Variants in PFKFB4 observed in about 807,000 individuals in gnomAD.
PFKFB4 encodes 6-phosphofructo-2-kinase/fructose-2,6-bisphosphatase 4.
In PFKFB4, 42 loss-of-function variants were observed where a neutral mutation model predicts 62.8. The ratio of observed to expected loss-of-function variants is 0.67; its 90% confidence interval spans 0.52 to 0.86. PFKFB4 has a LOEUF of 0.86. PFKFB4 is among the 40% of genes least tolerant of loss of function. The pLI is 0.00. For missense variants in PFKFB4, 475 were observed against 627.2 expected, an observed-to-expected ratio of 0.76 and a Z score of 2.59; for synonymous variants, 204 against 240.7, an observed-to-expected ratio of 0.85 and a Z score of 1.41.
intron 4 of PFKFB4, 71 bp from the exon 5 acceptor site, chr3:48,539,842 G>T: frequency 8.5e-7 from 1 of 1,174,754 alleles, no homozygotes; most frequent in Non-Finnish European, 1.3e-6. Flanking sequence ...GCCCTGAAGT[G>T]GGCAGTGAGG....
At chr3:48,539,506 G>C in intron 5 of PFKFB4, 191 bp downstream of exon 5, 1 of 693,092 alleles carries the variant, frequency 1.4e-6, no homozygotes, top group African/African-American at 1.8e-5. Flanking sequence ...CCCTCTCCTA[G>C]ACTCTCCCAC....
chr3:48,519,954 A>G, intron 13 of PFKFB4, 148 bp from the exon 14 acceptor site: 2 of 631,922 alleles, frequency 3.2e-6, no homozygotes, highest in African/African-American at 3.6e-5. Flanking sequence ...AAGCTTCCCT[A>G]AGAATACATG....
Position 48,556,328 on chromosome 3 carries a change from A to C in PFKFB4, c.97+353T>G. The C allele has an allele frequency of 1.4e-5, 7 of 510,714 alleles. No homozygotes were observed. The highest frequency in any genetic ancestry group is 4.8e-5 in the East Asian group (1 of 20,912). 31.6% of individuals were successfully genotyped at this position (510,714 alleles called of 1,614,324 possible). On this transcript the variant is annotated intron_variant, in intron 1 of 13. Coordinates refer to ENST00000232375, the MANE Select transcript of PFKFB4 (RefSeq NM_004567.4). The surrounding 1 kb of genome is among the most constrained non-coding windows in gnomAD (Gnocchi z 5.7). Reference sequence around the variant, plus strand: ...ACACTCCTTGGCCAGGAGAGAGGGAAGGGCCTGGGGTGCCCACAGGGTCCT... The same window carrying C: ...ACACTCCTTGGCCAGGAGAGAGGGACGGGCCTGGGGTGCCCACAGGGTCCT...
At chr3:48,543,762 T>C in intron 3 of PFKFB4, 116 bp from the exon 4 acceptor site, 1 of 762,202 alleles carries the variant, frequency 1.3e-6, no homozygotes, top group African/African-American at 1.7e-5. Context: ...CGAGGTCTCT[T>C]GCTCTCTTTT....
chr3:48,525,726 GA>G, intron 9 of PFKFB4, 57 bp from the exon 10 acceptor site: 1 of 918,036 alleles, frequency 1.1e-6, no homozygotes, highest in Non-Finnish European at 1.7e-6. Flanking sequence ...GAGCCTTGGG[GA>G]CATGTGGGGT....
intron 12 of PFKFB4, 105 bp downstream of exon 12, chr3:48,523,432 A>G: frequency 1.8e-6 from 2 of 1,097,112 alleles, no homozygotes; most frequent in Non-Finnish European, 2.8e-6. Context: ...AGGTGGAGGA[A>G]TGGGCTCCTA....
chr3:48,556,629 A>C lies in PFKFB4; in HGVS notation c.97+52T>G. ...GCGAGACCCCCGCCCAGGCCGCCCT[A>C]CCCACCCATCCCGGTGCACCTCCCA... is the stretch of plus-strand genomic sequence containing the variant. On this transcript the variant is annotated intron_variant, in intron 1 of 13. Transcript: ENST00000232375. This position sits in a 1 kb window ranked among gnomAD's most constrained non-coding sequence, Gnocchi z 5.7. The C allele has an allele frequency of 6.7e-7, 1 of 1,496,344 alleles. No individual in the cohort carries two copies. The highest frequency in any genetic ancestry group is 9.0e-7 in the Non-Finnish European group (1 of 1,109,504). 92.7% of individuals were successfully genotyped at this position (1,496,344 alleles called of 1,614,324 possible). A position where few individuals can be genotyped will look rare whatever the true frequency, so the allele number is the denominator to read the frequency against.
Position 48,529,822 on chromosome 3 carries a change from T to G in PFKFB4, c.988-4153A>C, listed in dbSNP as rs937002631. 7.3e-5 allele frequency among the ~76,000 whole-genome samples: 11 copies of G among 151,698 alleles called. No homozygotes were observed. The East Asian group carries it at 2.1e-3, about 29-fold the overall frequency. ...TACAAAAATTAGCCAGGCGTAGTGTTGCACACCTGTGGTCCCAGCTACTCA... is the reference window on the plus strand; with the variant it reads ...TACAAAAATTAGCCAGGCGTAGTGTGGCACACCTGTGGTCCCAGCTACTCA... On this transcript the variant is annotated intron_variant, in intron 9 of 13. Transcript: ENST00000232375.
At chr3:48,535,706 C>G in intron 8 of PFKFB4, 48 bp from the exon 9 acceptor site, 1 of 1,609,196 alleles carries the variant, frequency 6.2e-7, no homozygotes, top group African/African-American at 1.3e-5. Context: ...TTGGGCTGCC[C>G]TTAAAGCATC....
At chr3:48,536,515 C>A in intron 7 of PFKFB4, 52 bp from the exon 8 acceptor site, 1 of 1,417,492 alleles carries the variant, frequency 7.1e-7, no homozygotes, top group Non-Finnish European at 9.9e-7. Context: ...AGGGTTCTCA[C>A]AGAGCACATC....
At chr3:48,561,262 G>A (rs2043429875), upstream of PFKFB4, 2 of 313,762 alleles carry the variant, frequency 6.4e-6, no homozygotes, top group African/African-American at 4.6e-5. This position sits in a 1 kb window ranked among gnomAD's most constrained non-coding sequence, Gnocchi z 5.2. Flanking sequence ...CCACAGGGCT[G>A]CTTACAACTG....
intron 9 of PFKFB4, among the ~76,000 whole-genome samples, chr3:48,527,854 A>AT (rs2042313339): frequency 6.6e-6 from 1 of 151,734 alleles, no homozygotes; most frequent in Non-Finnish European, 1.5e-5. Context: ...TGGCTGGCTA[A>AT]TTTTTTGTAT....
chr3:48,555,170 G>A (rs894840477), intron 1 of PFKFB4, among the ~76,000 whole-genome samples: 2 of 149,980 alleles, frequency 1.3e-5, no homozygotes, highest in Non-Finnish European at 3.0e-5. Context: ...CAGCCTCCCC[G>A]CCTCCAGAAG....
chr3:48,531,616 C>T (rs1030475409), intron 9 of PFKFB4, among the ~76,000 whole-genome samples: 3 of 149,646 alleles, frequency 2.0e-5, no homozygotes, highest in Non-Finnish European at 4.4e-5. Flanking sequence ...CCACCGCACC[C>T]GGCCAAAAAA....
intron 3 of PFKFB4, among the ~76,000 whole-genome samples, chr3:48,546,432 G>A (rs1252285792): frequency 6.6e-6 from 1 of 152,148 alleles, no homozygotes; most frequent in East Asian, 1.9e-4. Flanking sequence ...GATCATGCTT[G>A]GTGTGTACAT....
At chr3:48,562,770 AC>A (rs754731072), upstream of PFKFB4, 2 of 1,530,748 alleles carry the variant, frequency 1.3e-6, no homozygotes, top group African/African-American at 1.4e-5. The surrounding 1 kb of genome is among the most constrained non-coding windows in gnomAD (Gnocchi z 4.3). Context: ...TATCACTGTG[AC>A]CCCCTCTCTC....
chr3:48,560,980 C>T, upstream of PFKFB4: 1 of 846,604 alleles, frequency 1.2e-6, no homozygotes, highest in Non-Finnish European at 1.6e-6. Context: ...TCTCGCACCC[C>T]TCCAGCACCA....
At chr3:48,559,160 C>T (rs2043393968), upstream of PFKFB4, among the ~76,000 whole-genome samples, 1 of 152,152 alleles carries the variant, frequency 6.6e-6, no homozygotes, top group Non-Finnish European at 1.5e-5. Context: ...GCCTGGTTCC[C>T]AGGAAATGCA....
intron 1 of PFKFB4, among the ~76,000 whole-genome samples, chr3:48,555,842 T>A (rs538505709): frequency 1.3e-5 from 2 of 152,078 alleles, no homozygotes; most frequent in African/African-American, 4.8e-5. Flanking sequence ...AGGTCGTGGC[T>A]GCAGTGAACT....
Sources: gnomAD v4.1 joint callset for allele counts (sites outside exome capture counted in the v4.1 genomes callset) on GRCh38, gnomAD v4.1.1 for gene constraint, Gnocchi (gnomAD v3.1) non-coding constraint, MANE v1.5 for transcripts, NCBI Gene and HGNC (gene_info 2026-07-23, HGNC 2026-07-21) for gene names.